The following MALT1 variants were observed in gnomAD, a reference collection of about 807,000 sequenced individuals.
The protein encoded by MALT1 is MALT1 paracaspase.
In MALT1, 36 loss-of-function variants were observed where a neutral mutation model predicts 85.5. The ratio of observed to expected loss-of-function variants is 0.42; its 90% CI spans 0.32 to 0.56. The LOEUF (loss-of-function observed/expected upper bound fraction) is 0.56, where lower values mean the gene tolerates loss of function less well. Among genes scored for constraint, MALT1 ranks in the 20% least tolerant of loss-of-function variants. The probability of loss-of-function intolerance (pLI) is 0.10; values close to 1 mark genes in which losing one functional copy is unlikely to be tolerated. For missense variants in MALT1, 716 were observed against 981.6 expected (o/e 0.73, Z 3.62); for synonymous variants, 359 against 361.3 (o/e 0.99, Z 0.07).
chr18:58,718,984 A>G lies in MALT1; in HGVS notation c.1018+3017A>G, dbSNP rs189837988. ...CATGGTAAGAATGGAGGCATGAAAT[A>G]GATGGTGTGGGTGAGGAACAAAGTT... On this transcript the variant is annotated intron_variant, in intron 9 of 16. Coordinates refer to ENST00000649217, the MANE Select transcript of MALT1 (RefSeq NM_006785.4). Among the ~76,000 whole-genome samples the G allele has an allele frequency of 4.6e-5, 7 of 152,334 alleles. No individual in the cohort carries two copies. The East Asian group carries it at 1.3e-3, about 29-fold the overall frequency.
chr18:58,706,857 T>C (rs547033761), intron 4 of MALT1, among the ~76,000 whole-genome samples: 1 of 152,334 alleles, frequency 6.6e-6, no homozygotes, highest in South Asian at 2.1e-4. Flanking sequence ...CCTTGAATTT[T>C]TCCTGCTTGG....
intron 10 of MALT1, among the ~76,000 whole-genome samples, chr18:58,725,454 T>C (rs935370347): frequency 1.3e-5 from 2 of 152,168 alleles, no homozygotes; most frequent in African/African-American, 4.8e-5. Flanking sequence ...ACACTTCTGG[T>C]CCCAAGTCTT....
At chr18:58,727,616 G>GTGTGTTTTTT (rs2055077198) in intron 10 of MALT1, among the ~76,000 whole-genome samples, 1 of 121,264 alleles carries the variant, frequency 8.2e-6, no homozygotes, top group African/African-American at 3.3e-5. Context: ...GGTTTTTTGT[G>GTGTGTTTTTT]TTTTTTTTTT....
rs75473725 is a variant in MALT1, at chr18:58,713,298, T to C, written c.959-785T>C. The stretch of plus-strand genomic sequence containing the variant: ...ATAATGTCATTACTTATTTTACCTA[T>C]CCATTGGCCATGATAAGATGTCCCA... On this transcript the variant is annotated intron_variant, in intron 7 of 16. Coordinates refer to ENST00000649217, the MANE Select transcript of MALT1 (RefSeq NM_006785.4). Among the ~76,000 whole-genome samples, 92 of 152,286 alleles carry C rather than the reference T, an allele frequency of 6.0e-4. No homozygotes were observed. The East Asian group carries it at 0.016, about 27-fold the overall frequency.
intron 10 of MALT1, among the ~76,000 whole-genome samples, chr18:58,723,612 G>T (rs1348097525): frequency 6.6e-6 from 1 of 151,956 alleles, no homozygotes; most frequent in Non-Finnish European, 1.5e-5. Context: ...TTTTCTTTGA[G>T]GGGGGTAGCA....
chr18:58,741,975 G>C lies in MALT1; in HGVS notation c.1714G>C (p.Glu572Gln). The C allele has an allele frequency of 4.5e-6, 7 of 1,551,960 alleles. No homozygotes were observed. Among genetic ancestry groups the C allele is most frequent in the Non-Finnish European group, 5.3e-6 (6 of 1,135,436 alleles). ...AATACAGGGAACAGAATATTCTGCT[G>C]AATCTCTTGTGCGGAATCTACAGTG... is the stretch of plus-strand genomic sequence containing the variant. ...DPIQGTEYSA[E>Q]SLVRNLQWAK... The change falls in exon 14 of 17, where the codon GAA becomes CAA. Residue 572 changes from glutamate (E) to glutamine (Q), a missense_variant. By Grantham distance (29) the Glu-to-Gln change is conservative. Transcript: ENST00000649217.
At chr18:58,721,056 T>C (rs1356095222) in intron 9 of MALT1, among the ~76,000 whole-genome samples, 2 of 152,198 alleles carry the variant, frequency 1.3e-5, no homozygotes, top group African/African-American at 2.4e-5. Flanking sequence ...GCAGGTACTT[T>C]AGTGTAAGAA....
At chr18:58,712,773 TATC>T in intron 7 of MALT1, among the ~76,000 whole-genome samples, 1 of 152,288 alleles carries the variant, frequency 6.6e-6, no homozygotes, top group East Asian at 1.9e-4. Flanking sequence ...TGTGTCAAAA[TATC>T]ATATGTATCC....
intron 4 of MALT1, among the ~76,000 whole-genome samples, chr18:58,707,839 A>G (rs1452734246): frequency 1.3e-5 from 2 of 152,206 alleles, no homozygotes; most frequent in East Asian, 1.9e-4. Flanking sequence ...TCAGTTTACT[A>G]CTGACGGAAT....
rs2144361773 is a variant in MALT1 at position 58,700,454 on chromosome 18, A to G, written c.512A>G (p.Asn171Ser). 1.3e-6 allele frequency: 2 copies of G among 1,596,214 alleles called. No individual in the cohort carries two copies. The highest frequency in any genetic ancestry group is 2.3e-5 in the South Asian group (2 of 87,068). The change falls in exon 4 of 17, where the codon AAT becomes AGT. Residue 171 changes from asparagine to serine, a missense_variant. By Grantham distance (46) the Asn-to-Ser change is conservative. Transcript: ENST00000649217. ...ATTCTTTCACAGATTCCAAATGGAA[A>G]TACATCAGAGCTTATTTTTAATGCA... is the stretch of plus-strand genomic sequence containing the variant. ...FKMNKEIPNGNTSELIFNAVH... is the reference protein window; with the variant it reads ...FKMNKEIPNGSTSELIFNAVH...
chr18:58,700,433 T>C lies in MALT1; in HGVS notation c.499-8T>C. The C allele has an allele frequency of 6.3e-7, 1 of 1,590,758 alleles. No individual in the cohort carries two copies. Among genetic ancestry groups the C allele is most frequent in the Non-Finnish European group, 8.5e-7 (1 of 1,172,200 alleles). ...AGTCATCCACTTCTCTTATTGATTC[T>C]TTCACAGATTCCAAATGGAAATACA... On this transcript the variant is annotated splice_region_variant and splice_polypyrimidine_tract_variant and intron_variant, in intron 3 of 16. Transcript: ENST00000649217.
At chr18:58,731,606 A>T (rs1264617922) in intron 10 of MALT1, among the ~76,000 whole-genome samples, 1 of 152,138 alleles carries the variant, frequency 6.6e-6, no homozygotes, top group African/African-American at 2.4e-5. Flanking sequence ...TGCCTTTGCA[A>T]ATTTCTAGCC....
intron 1 of MALT1, 82 bp downstream of exon 1, chr18:58,671,934 G>A: frequency 1.0e-6 from 1 of 1,004,336 alleles, no homozygotes; most frequent in Non-Finnish European, 1.3e-6. Context: ...CTGTCGGTGG[G>A]GCTGAGCGCG....
Position 58,681,174 on chromosome 18 carries a change from C to G in MALT1, c.214C>G (p.Leu72Val). Residue 72 changes from leucine (L) to valine (V), a missense_variant, in exon 2 of 17, where the codon CTA becomes GTA. By Grantham distance (32) the Leu-to-Val change is conservative. Coordinates refer to ENST00000649217, the MANE Select transcript of MALT1 (RefSeq NM_006785.4). ...AATTCTTTCTGTTGCTTTCAGTTGC[C>G]TAGACCTGGAGCAGTGTTCTCTTAA... ...GSRGRLRLSC[L>V]DLEQCSLKVL... is the part of the protein sequence containing the mutation. The G allele has an allele frequency of 6.2e-7, 1 of 1,612,592 alleles. No individual in the cohort carries two copies. The highest frequency in any genetic ancestry group is 8.5e-7 in the Non-Finnish European group (1 of 1,179,516).
At chr18:58,687,182 T>A (rs2054416676) in intron 2 of MALT1, among the ~76,000 whole-genome samples, 1 of 152,164 alleles carries the variant, frequency 6.6e-6, no homozygotes, top group Admixed American at 6.5e-5. Context: ...TGGCAATTAT[T>A]CCTAAAAGAA....
At chr18:58,694,521 TAA>T (rs1015266168) in intron 2 of MALT1, among the ~76,000 whole-genome samples, 4 of 152,240 alleles carry the variant, frequency 2.6e-5, no homozygotes, top group Non-Finnish European at 5.9e-5. Context: ...TTAAGTTTTA[TAA>T]GTTTTAATTA....
intron 13 of MALT1, among the ~76,000 whole-genome samples, chr18:58,736,021 C>T (rs1418962585): frequency 1.3e-5 from 2 of 152,122 alleles, no homozygotes; most frequent in African/African-American, 4.8e-5. Flanking sequence ...GGTATGGTGG[C>T]TCAAGCCTGT....
chr18:58,675,362 T>A (rs1029389766), intron 1 of MALT1: 1 of 152,218 alleles, frequency 6.6e-6, no homozygotes, highest in Non-Finnish European at 1.5e-5. Flanking sequence ...CCTGCTTTCA[T>A]GCAGTTTATT....
chr18:58,706,069 T>A (rs1184689124), intron 4 of MALT1, among the ~76,000 whole-genome samples: 1 of 152,190 alleles, frequency 6.6e-6, no homozygotes, highest in East Asian at 1.9e-4. Context: ...CACTGCAAGC[T>A]CTGCCTCCTG....
Sources: allele counts gnomAD v4.1 joint callset (sites outside exome capture counted in the v4.1 genomes callset), GRCh38; gene constraint gnomAD v4.1.1; transcripts MANE v1.5; gene names NCBI Gene and HGNC (gene_info 2026-07-23, HGNC 2026-07-21).